KCNJ3: variants seen among roughly 807,000 people sequenced by gnomAD.
KCNJ3 encodes G protein-activated inward rectifier potassium channel 1.
In KCNJ3, 4 loss-of-function variants were observed where a neutral mutation model predicts 39.2. The observed-to-expected ratio is 0.10, with a 90% CI of 0.05 to 0.23. The LOEUF (loss-of-function observed/expected upper bound fraction) is 0.23. KCNJ3 is among the 10% of genes least tolerant of loss of function. The pLI, the probability that KCNJ3 is intolerant of heterozygous loss-of-function variation, is 1.00. For synonymous variants in KCNJ3, 230 were observed against 237.4 expected (o/e 0.97, Z 0.29); for missense variants, 276 against 634.9 (o/e 0.43, Z 6.08).
At chr2:154,772,405 A>T (rs922777688) in intron 2 of KCNJ3, among the ~76,000 whole-genome samples, 3 of 152,080 alleles carry the variant, frequency 2.0e-5, no homozygotes, top group South Asian at 4.1e-4. Flanking sequence ...TTTTTATCTC[A>T]GTTCTTTTTT....
chr2:154,846,904 A>G (rs1459045801), intron 2 of KCNJ3, among the ~76,000 whole-genome samples: 1 of 151,748 alleles, frequency 6.6e-6, no homozygotes, highest in Non-Finnish European at 1.5e-5. Flanking sequence ...TTCTTTTTTT[A>G]TTTTTAGTTT....
intron 2 of KCNJ3, among the ~76,000 whole-genome samples, chr2:154,767,063 C>A (rs1686147582): frequency 6.6e-6 from 1 of 151,890 alleles, no homozygotes; most frequent in South Asian, 2.1e-4. Flanking sequence ...AACTATAAAT[C>A]TCTTTTTGTC....
At chr2:154,802,686 A>G (rs1005575705) in intron 2 of KCNJ3, among the ~76,000 whole-genome samples, 16 of 152,184 alleles carry the variant, frequency 1.1e-4, no homozygotes, top group Non-Finnish European at 2.4e-4. Context: ...TAAGAAATTA[A>G]TTCTATCTCA....
Position 154,709,713 on chromosome 2 carries a change from C to T in KCNJ3, c.813C>T (p.Cys271=). Residue 271 remains cysteine (C), a synonymous_variant, in exon 2 of 3, where the codon TGC becomes TGT. Coordinates refer to ENST00000295101, the MANE Select transcript of KCNJ3 (RefSeq NM_002239.4). Reference sequence around the variant, plus strand: ...TTCTTGTGTCCCCCCTCACAATTTGCCACGTGATCGATGCCAAAAGCCCCT... The same window carrying T: ...TTCTTGTGTCCCCCCTCACAATTTGTCACGTGATCGATGCCAAAAGCCCCT... ...QLFLVSPLTI[C]HVIDAKSPFY... 1.2e-6 allele frequency: 2 copies of T among 1,613,924 alleles called. No individual in the cohort carries two copies. Among genetic ancestry groups the T allele is most frequent in the Non-Finnish European group, 1.7e-6 (2 of 1,179,906 alleles).
At chr2:154,806,106 A>G (rs1686907385) in intron 2 of KCNJ3, among the ~76,000 whole-genome samples, 1 of 152,114 alleles carries the variant, frequency 6.6e-6, no homozygotes, top group Admixed American at 6.6e-5. Context: ...TTCAAAATGT[A>G]TGTTGTTTCC....
intron 2 of KCNJ3, among the ~76,000 whole-genome samples, chr2:154,731,413 T>C (rs1685447006): frequency 2.6e-5 from 4 of 152,116 alleles, no homozygotes; most frequent in Admixed American, 6.5e-5. Flanking sequence ...TTACACTTTG[T>C]ACCCAGGTTC....
In KCNJ3 at chr2:154,698,742, C is replaced by T. The variant is rs1352209719; in HGVS notation, c.-34C>T. The T allele has an allele frequency of 6.8e-7, 1 of 1,467,920 alleles. No individual in the cohort carries two copies. The highest frequency in any genetic ancestry group is 1.2e-5 in the South Asian group (1 of 86,548). The allele number at this position is 1,467,920 out of a possible 1,614,324, so 90.9% of individuals were successfully genotyped here. On this transcript the variant is annotated 5_prime_UTR_variant, in exon 1 of 3. Transcript: ENST00000295101. ...GCAGCGCCCAGCTCCTGCGCCTTCGCTTCGCGTTTGAATCTGGCTCGCCCC... is the reference window on the plus strand; with the variant it reads ...GCAGCGCCCAGCTCCTGCGCCTTCGTTTCGCGTTTGAATCTGGCTCGCCCC...
At chr2:154,836,406 G>GACTT (rs1038652243) in intron 2 of KCNJ3, among the ~76,000 whole-genome samples, 13 of 151,322 alleles carry the variant, frequency 8.6e-5, no homozygotes, top group African/African-American at 3.2e-4. Flanking sequence ...TTATATCTTT[G>GACTT]ACTTCTTAAA....
At position 154,775,594 on chromosome 2, in the gene KCNJ3, TA is replaced by T. The variant is rs528930211; in HGVS notation, c.919+65782del. Among the ~76,000 whole-genome samples, 24 of 152,250 alleles carry T rather than the reference TA, an allele frequency of 1.6e-4. 1 individual carries two copies. In the South Asian group the frequency reaches 2.9e-3, roughly 18 times the overall value. ...CAAAGCATTTTAAGATAAGTAAACA[TA>T]AAAAAATCAAATAATACCATTTACT... On this transcript the variant is annotated intron_variant, in intron 2 of 2. Coordinates refer to ENST00000295101, the MANE Select transcript of KCNJ3 (RefSeq NM_002239.4).
At chr2:154,778,104 G>A (rs1367505677) in intron 2 of KCNJ3, among the ~76,000 whole-genome samples, 2 of 149,690 alleles carry the variant, frequency 1.3e-5, no homozygotes, top group Non-Finnish European at 3.0e-5. Context: ...ATAACATTGT[G>A]TTGCCTTCTA....
intron 2 of KCNJ3, among the ~76,000 whole-genome samples, chr2:154,818,072 C>T (rs1167686509): frequency 6.6e-6 from 1 of 152,110 alleles, no homozygotes; most frequent in Non-Finnish European, 1.5e-5. Context: ...AAGCTATTTG[C>T]ACCCCCTTTT....
chr2:154,708,791 A>G (rs915167188), intron 1 of KCNJ3, among the ~76,000 whole-genome samples: 6 of 152,174 alleles, frequency 3.9e-5, no homozygotes, highest in African/African-American at 1.4e-4. Context: ...TAAGCTTTAG[A>G]GTGATTTATA....
At chr2:154,842,764 C>T (rs2961979) in intron 2 of KCNJ3, among the ~76,000 whole-genome samples, 30,135 of 152,010 alleles carry the variant, frequency 0.2, 3,334 homozygotes, top group East Asian at 0.4. Context: ...GATTGCAACA[C>T]CTGCTTTTTT....
At chr2:154,733,907 G>T (rs943932993) in intron 2 of KCNJ3, among the ~76,000 whole-genome samples, 1 of 152,112 alleles carries the variant, frequency 6.6e-6, no homozygotes, top group Non-Finnish European at 1.5e-5. Context: ...GTGTTTGTTG[G>T]TGTTGGGGTT....
chr2:154,721,894 G>A (rs1004958387), intron 2 of KCNJ3, among the ~76,000 whole-genome samples: 6 of 152,038 alleles, frequency 3.9e-5, no homozygotes, highest in Admixed American at 1.3e-4. Context: ...TTATTCCAGC[G>A]TTCTTCTCAT....
At chr2:154,766,671 T>C (rs1177721624) in intron 2 of KCNJ3, among the ~76,000 whole-genome samples, 1 of 152,164 alleles carries the variant, frequency 6.6e-6, no homozygotes, top group Non-Finnish European at 1.5e-5. Context: ...TTCTTCTGCC[T>C]CAGCCTCCTT....
At chr2:154,760,735 CTTTTTTTTTTTTTT>C in intron 2 of KCNJ3, among the ~76,000 whole-genome samples, 2 of 127,760 alleles carry the variant, frequency 1.6e-5, no homozygotes, top group South Asian at 5.1e-4. Context: ...TCTTTTTTTT[CTTTTTTTTTTTTTT>C]TTTTTGAGAT....
At chr2:154,741,201 A>G (rs1192822023) in intron 2 of KCNJ3, among the ~76,000 whole-genome samples, 2 of 151,932 alleles carry the variant, frequency 1.3e-5, no homozygotes, top group South Asian at 2.1e-4. Flanking sequence ...ATCTGATTGT[A>G]AGAAAGATTA....
At chr2:154,746,974 C>A (rs943680135) in intron 2 of KCNJ3, among the ~76,000 whole-genome samples, 3 of 151,784 alleles carry the variant, frequency 2.0e-5, no homozygotes, top group Non-Finnish European at 4.4e-5. Flanking sequence ...GCAAGAACTT[C>A]AAACAGGAAA....
Sources: gnomAD v4.1 joint callset for allele counts (sites outside exome capture counted in the v4.1 genomes callset) on GRCh38, gnomAD v4.1.1 for gene constraint, MANE v1.5 for transcripts, NCBI Gene and HGNC (gene_info 2026-07-23, HGNC 2026-07-21) for gene names.